Variants in PPP1R14A observed in about 807,000 individuals in gnomAD.
PPP1R14A encodes protein phosphatase 1 regulatory subunit 14A.
Under a neutral mutation model 14.1 loss-of-function variants are expected in PPP1R14A, and 9 were observed. The observed-to-expected ratio is 0.64, with a 90% CI of 0.38 to 1.11. The LOEUF is 1.11. Among genes scored for constraint, PPP1R14A ranks in the 50% most tolerant of loss-of-function variants. The pLI is 0.01. For missense variants in PPP1R14A, 208 were observed against 200.7 expected, an observed-to-expected ratio of 1.04 and a Z score of -0.22; for synonymous variants, 93 against 88.7, an observed-to-expected ratio of 1.05 and a Z score of -0.27.
chr19:38,252,711 G>T lies in PPP1R14A; in HGVS notation c.282+183C>A, dbSNP rs893851866. 7.2e-5 allele frequency among the ~76,000 whole-genome samples: 11 copies of T among 152,186 alleles called. No individual in the cohort carries two copies. Among genetic ancestry groups the T allele is most frequent in the African/African-American group, 2.7e-4 (11 of 41,454 alleles). ...CTCTGGGCCTCATTTTCCTCATGGG[G>T]AAAATGGAGCTCACACTAGCGCCTG... is the stretch of plus-strand genomic sequence containing the variant. On this transcript the variant is annotated intron_variant, in intron 2 of 3. Transcript: ENST00000301242. This position sits in a 1 kb window ranked among gnomAD's most constrained non-coding sequence, Gnocchi z 4.1.
At position 38,256,040 on chromosome 19, in the gene PPP1R14A, C is replaced by A. The variant is rs116899603; in HGVS notation, c.201+99G>T. 2,579 of 1,103,344 alleles carry A rather than the reference C, an allele frequency of 2.3e-3. 73 individuals are homozygous for A. In the East Asian group the frequency reaches 0.055, roughly 24 times the overall value. 68.3% of individuals were successfully genotyped at this position (1,103,344 alleles called of 1,614,324 possible). The stretch of plus-strand genomic sequence containing the variant: ...GTCCTCTTGTGCAGACCAGGCTGGC[C>A]GTGCACCAGCGAGTGTGCACCGAGA... On this transcript the variant is annotated intron_variant, in intron 1 of 3. Transcript: ENST00000301242. The surrounding 1 kb of genome is among the most constrained non-coding windows in gnomAD (Gnocchi z 5.7).
intron 1 of PPP1R14A, among the ~76,000 whole-genome samples, chr19:38,254,131 T>C (rs563224306): frequency 2.6e-5 from 4 of 152,162 alleles, no homozygotes; most frequent in Admixed American, 2.0e-4. Context: ...TGTCGCACCA[T>C]GAAGAGGAGG....
intron 1 of PPP1R14A, among the ~76,000 whole-genome samples, chr19:38,254,926 G>A (rs1161006021): frequency 6.6e-6 from 1 of 152,056 alleles, no homozygotes; most frequent in African/African-American, 2.4e-5. Flanking sequence ...TGGGATTACA[G>A]GCATGTGCCA....
intron 1 of PPP1R14A, among the ~76,000 whole-genome samples, chr19:38,255,199 C>G (rs1968233185): frequency 6.6e-6 from 1 of 152,232 alleles, no homozygotes; most frequent in African/African-American, 2.4e-5. Flanking sequence ...TCTTGGCTCA[C>G]TGTGACCTTG....
rs1968197422 is a variant in PPP1R14A, at chr19:38,252,183, T to C, written c.315+123A>G. 15 of 882,832 alleles carry C rather than the reference T, an allele frequency of 1.7e-5. No homozygotes were observed. In the South Asian group the frequency reaches 2.2e-4, roughly 13 times the overall value. The allele number at this position is 882,832 out of a possible 1,614,324, so 54.7% of individuals were successfully genotyped here. A position where few individuals can be genotyped will look rare whatever the true frequency, so the allele number is the denominator to read the frequency against. On this transcript the variant is annotated intron_variant, in intron 3 of 3. Coordinates refer to ENST00000301242, the MANE Select transcript of PPP1R14A (RefSeq NM_033256.3). The surrounding 1 kb of genome is among the most constrained non-coding windows in gnomAD (Gnocchi z 4.1). ...ACCAGAAAGAGCTGCGGAGGGCAGG[T>C]TGGGGCCGGGGGTGGTGGGGCCGGG... is the stretch of plus-strand genomic sequence containing the variant.
Position 38,252,260 on chromosome 19 carries a change from G to A in PPP1R14A, c.315+46C>T. 1 of 1,592,302 alleles carries A rather than the reference G, an allele frequency of 6.3e-7. No homozygotes were observed. Among genetic ancestry groups the A allele is most frequent in the Non-Finnish European group, 8.6e-7 (1 of 1,164,512 alleles). ...AGCTTCTTCCCCCTCCCCCATCAGAGTACTTGGGGCCAGAACAGGGAGAGA... is the reference window on the plus strand; with the variant it reads ...AGCTTCTTCCCCCTCCCCCATCAGAATACTTGGGGCCAGAACAGGGAGAGA... On this transcript the variant is annotated intron_variant, in intron 3 of 3. Transcript: ENST00000301242. This position sits in a 1 kb window ranked among gnomAD's most constrained non-coding sequence, Gnocchi z 4.1.
intron 1 of PPP1R14A, among the ~76,000 whole-genome samples, chr19:38,253,657 C>T (rs1246056166): frequency 6.6e-6 from 1 of 152,222 alleles, no homozygotes; most frequent in Admixed American, 6.5e-5. Context: ...CCAGCTGTCC[C>T]CAGCTGTCGA....
chr19:38,255,999 C>A lies in PPP1R14A; in HGVS notation c.201+140G>T, dbSNP rs541738576. On this transcript the variant is annotated intron_variant, in intron 1 of 3. Transcript: ENST00000301242. ...ACGGATGGCCAGGCCAATGAGTGCC[C>A]GGCCCTGGGGCGCTCGTCCTCTTGT... 1.5e-5 allele frequency: 11 copies of A among 742,648 alleles called. No individual in the cohort carries two copies. In the African/African-American group the frequency reaches 1.8e-4, roughly 12 times the overall value. 46.0% of individuals were successfully genotyped at this position (742,648 alleles called of 1,614,324 possible).
chr19:38,251,494 C>T lies in PPP1R14A; in HGVS notation c.316-48G>A, dbSNP rs750334153. 4.0e-6 allele frequency: 6 copies of T among 1,500,928 alleles called. No individual in the cohort carries two copies. In the Admixed American group the frequency reaches 1.6e-4, roughly 40 times the overall value. 93.0% of individuals were successfully genotyped at this position (1,500,928 alleles called of 1,614,324 possible). On this transcript the variant is annotated intron_variant, in intron 3 of 3. Coordinates refer to ENST00000301242, the MANE Select transcript of PPP1R14A (RefSeq NM_033256.3). ...AGAACATGGGAACAGTGCGGGGGCACCCTCTGCCCCTGTCCAGCCCAGTCC... is the reference window on the plus strand; with the variant it reads ...AGAACATGGGAACAGTGCGGGGGCATCCTCTGCCCCTGTCCAGCCCAGTCC...
intron 1 of PPP1R14A, among the ~76,000 whole-genome samples, chr19:38,254,555 T>C (rs1389566549): frequency 6.6e-6 from 1 of 152,118 alleles, no homozygotes; most frequent in African/African-American, 2.4e-5. Context: ...TCTGCCCACC[T>C]TGGCCTCCCA....
chr19:38,254,647 A>G (rs947681579), intron 1 of PPP1R14A, among the ~76,000 whole-genome samples: 1 of 151,874 alleles, frequency 6.6e-6, no homozygotes, highest in South Asian at 2.1e-4. Flanking sequence ...GAAGTCACTG[A>G]AAGTGTGACT....
At chr19:38,251,481 C>T in intron 3 of PPP1R14A, 35 bp from the exon 4 acceptor site, 1 of 1,540,104 alleles carries the variant, frequency 6.5e-7, no homozygotes, top group Non-Finnish European at 8.6e-7. Context: ...AACATGGGAA[C>T]AGTGCGGGGG....
At chr19:38,253,096 T>G in intron 1 of PPP1R14A, 122 bp from the exon 2 acceptor site, 22 of 698,816 alleles carry the variant, frequency 3.1e-5, no homozygotes, top group East Asian at 1.1e-4. Flanking sequence ...AGCATTAATG[T>G]GGCAGTCCGG....
rs747541226 is a variant in PPP1R14A, at chr19:38,251,432, C to T, written c.330G>A (p.Glu110=). The T allele has an allele frequency of 8.3e-6, 13 of 1,568,104 alleles. No homozygotes were observed. Among genetic ancestry groups the T allele is most frequent in the Non-Finnish European group, 8.6e-7 (1 of 1,164,270 alleles). ...GGAGGCCTTGAAGCTTTGCCAGCAG[C>T]TCCTGGATGAAGTCCTGAGACAGGG... ...CGKPVEDFIQ[E]LLAKLQGLHR... The change falls in exon 4 of 4, where the codon GAG becomes GAA. Residue 110 remains glutamate (E), a synonymous_variant. Coordinates refer to ENST00000301242, the MANE Select transcript of PPP1R14A (RefSeq NM_033256.3).
In PPP1R14A at chr19:38,256,129, C is replaced by G. The variant is rs1167429623; in HGVS notation, c.201+10G>C. 4.5e-6 allele frequency: 7 copies of G among 1,539,248 alleles called. No homozygotes were observed. Among genetic ancestry groups the G allele is most frequent in the Admixed American group, 2.0e-5 (1 of 51,210 alleles). On this transcript the variant is annotated intron_variant, in intron 1 of 3. Coordinates refer to ENST00000301242, the MANE Select transcript of PPP1R14A (RefSeq NM_033256.3). The surrounding 1 kb of genome is among the most constrained non-coding windows in gnomAD (Gnocchi z 5.7). ...GTCCCCGACCACCCCCGAGCCCTCC[C>G]CGGGCTCACCATGCCGCGGTACAGC...
Position 38,256,126 on chromosome 19 carries a change from T to G in PPP1R14A, c.201+13A>C, listed in dbSNP as rs1387255148. ...TCTGTCCCCGACCACCCCCGAGCCC[T>G]CCCCGGGCTCACCATGCCGCGGTAC... On this transcript the variant is annotated intron_variant, in intron 1 of 3. Coordinates refer to ENST00000301242, the MANE Select transcript of PPP1R14A (RefSeq NM_033256.3). This position sits in a 1 kb window ranked among gnomAD's most constrained non-coding sequence, Gnocchi z 5.7. 2.6e-6 allele frequency: 4 copies of G among 1,535,470 alleles called. No individual in the cohort carries two copies. Among genetic ancestry groups the G allele is most frequent in the Non-Finnish European group, 3.5e-6 (4 of 1,146,290 alleles).
At chr19:38,253,128 C>A in intron 1 of PPP1R14A, 154 bp from the exon 2 acceptor site, 1 of 614,932 alleles carries the variant, frequency 1.6e-6, no homozygotes, top group Non-Finnish European at 2.9e-6. Context: ...CAAGACGGGA[C>A]ATCTGGGTGT....
intron 3 of PPP1R14A, chr19:38,251,728 CAG>C (rs1968192852): frequency 6.3e-6 from 3 of 475,446 alleles, no homozygotes; most frequent in African/African-American, 4.1e-5. Flanking sequence ...GACACAGAAA[CAG>C]AGAGACATGT....
intron 1 of PPP1R14A, chr19:38,253,278 C>G: frequency 3.1e-6 from 1 of 321,566 alleles, no homozygotes. Flanking sequence ...GGAAAACAGG[C>G]CTAGTGGAGT....
Sources: allele counts gnomAD v4.1 joint callset (sites outside exome capture counted in the v4.1 genomes callset), GRCh38; gene constraint gnomAD v4.1.1; non-coding constraint Gnocchi (gnomAD v3.1); transcripts MANE v1.5; gene names NCBI Gene and HGNC (gene_info 2026-07-23, HGNC 2026-07-21).